The following PLD5 variants were observed in gnomAD, a reference collection of about 807,000 sequenced individuals.
PLD5 encodes inactive phospholipase D5.
In PLD5, 36 loss-of-function variants were observed where a neutral mutation model predicts 61.1. That is an observed-to-expected ratio of 0.59 (90% CI 0.45 to 0.78). The LOEUF (loss-of-function observed/expected upper bound fraction) is 0.78. Among genes scored for constraint, PLD5 ranks in the 30% least tolerant of loss-of-function variants. PLD5 has a pLI of 0.00. For missense variants in PLD5, 515 were observed against 644.4 expected, an observed-to-expected ratio of 0.80 and a Z score of 2.17; for synonymous variants, 243 against 242.8, an observed-to-expected ratio of 1.00 and a Z score of -0.01.
chr1:242,475,314 T>C (rs1411518968), intron 1 of PLD5, among the ~76,000 whole-genome samples: 1 of 150,934 alleles, frequency 6.6e-6, no homozygotes, highest in Admixed American at 6.6e-5. Context: ...TCCCAGCTAC[T>C]CGGGAGGCTG....
chr1:242,384,499 T>C (rs1230045759), intron 1 of PLD5, among the ~76,000 whole-genome samples: 2 of 152,230 alleles, frequency 1.3e-5, no homozygotes, highest in East Asian at 1.9e-4. Flanking sequence ...CATTAAAGAA[T>C]TGTATCCACT....
chr1:242,199,773 T>C (rs1442175287), intron 5 of PLD5, among the ~76,000 whole-genome samples: 1 of 152,228 alleles, frequency 6.6e-6, no homozygotes, highest in East Asian at 1.9e-4. Flanking sequence ...GGTGTTTGTC[T>C]ATCTGTGTCT....
chr1:242,334,781 TC>T (rs930102533), intron 2 of PLD5, among the ~76,000 whole-genome samples: 1 of 152,130 alleles, frequency 6.6e-6, no homozygotes, highest in Non-Finnish European at 1.5e-5. Flanking sequence ...GAATCCTTTT[TC>T]CCAGGGGACT....
At chr1:242,446,518 C>T (rs1239175252) in intron 1 of PLD5, among the ~76,000 whole-genome samples, 2 of 152,164 alleles carry the variant, frequency 1.3e-5, no homozygotes, top group African/African-American at 2.4e-5. Flanking sequence ...TTGCAGTGAG[C>T]TGAGATCGCG....
At chr1:242,247,476 G>A (rs1418140855) in intron 4 of PLD5, among the ~76,000 whole-genome samples, 2 of 152,180 alleles carry the variant, frequency 1.3e-5, no homozygotes, top group Non-Finnish European at 2.9e-5. Context: ...GGTTCACAGG[G>A]TGTGACTTAA....
chr1:242,311,252 A>T (rs1347983521), intron 2 of PLD5, among the ~76,000 whole-genome samples: 1 of 152,226 alleles, frequency 6.6e-6, no homozygotes, highest in East Asian at 1.9e-4. Flanking sequence ...ATTGCAGATA[A>T]TGGGTTGTGG....
At chr1:242,189,102 CAT>C (rs1280904766) in intron 5 of PLD5, among the ~76,000 whole-genome samples, 2 of 152,174 alleles carry the variant, frequency 1.3e-5, no homozygotes, top group South Asian at 2.1e-4. Flanking sequence ...ACTGGTTTGA[CAT>C]AGTCTGTGGT....
At chr1:242,205,582 T>A (rs1669269878) in intron 5 of PLD5, among the ~76,000 whole-genome samples, 1 of 152,216 alleles carries the variant, frequency 6.6e-6, no homozygotes, top group Non-Finnish European at 1.5e-5. Context: ...TTTCCCTCAT[T>A]TCATGTTTCC....
intron 5 of PLD5, among the ~76,000 whole-genome samples, chr1:242,201,361 C>T (rs1668977284): frequency 1.3e-5 from 2 of 152,054 alleles, no homozygotes; most frequent in African/African-American, 4.8e-5. Context: ...ACATACATTC[C>T]AATTTTTTCC....
At chr1:242,408,394 A>G (rs1389776362) in intron 1 of PLD5, among the ~76,000 whole-genome samples, 1 of 152,138 alleles carries the variant, frequency 6.6e-6, no homozygotes, top group Non-Finnish European at 1.5e-5. Context: ...GTGATTCCTG[A>G]TGGTGGAAGT....
At chr1:242,136,189 G>C (rs1205600794) in intron 5 of PLD5, among the ~76,000 whole-genome samples, 1 of 152,126 alleles carries the variant, frequency 6.6e-6, no homozygotes, top group Non-Finnish European at 1.5e-5. Flanking sequence ...TTCCATTCTG[G>C]CTTCATGAGT....
chr1:242,493,280 A>G, intron 1 of PLD5, among the ~76,000 whole-genome samples: 1 of 152,250 alleles, frequency 6.6e-6, no homozygotes, highest in African/African-American at 2.4e-5. Context: ...CTTGACTATT[A>G]AAAAGAAAAA....
intron 1 of PLD5, among the ~76,000 whole-genome samples, chr1:242,508,412 G>C (rs1436472331): frequency 6.6e-6 from 1 of 152,034 alleles, no homozygotes; most frequent in Non-Finnish European, 1.5e-5. Flanking sequence ...AGATGGAAAT[G>C]ACCAACTATA....
chr1:242,220,473 C>T (rs1329372180), intron 4 of PLD5, among the ~76,000 whole-genome samples: 1 of 152,046 alleles, frequency 6.6e-6, no homozygotes, highest in East Asian at 1.9e-4. Flanking sequence ...GATAGGTACA[C>T]CATATGCAGT....
chr1:242,515,411 C>T (rs1669073746), intron 1 of PLD5, among the ~76,000 whole-genome samples: 1 of 152,154 alleles, frequency 6.6e-6, no homozygotes, highest in Non-Finnish European at 1.5e-5. Flanking sequence ...TGAGGTTTCA[C>T]CATGTTGGTC....
chr1:242,400,188 GAA>G (rs113690368), intron 1 of PLD5, among the ~76,000 whole-genome samples: 18 of 137,418 alleles, frequency 1.3e-4, no homozygotes, highest in East Asian at 6.6e-4. Flanking sequence ...CAAAAGAAAA[GAA>G]AAAAAAAAAA....
intron 1 of PLD5, among the ~76,000 whole-genome samples, chr1:242,411,330 G>A (rs1292800614): frequency 6.6e-6 from 1 of 152,154 alleles, no homozygotes; most frequent in Non-Finnish European, 1.5e-5. Flanking sequence ...CCGCCTCCCG[G>A]GTTCACGCCA....
rs568372116 is a variant in PLD5 at position 242,120,265 on chromosome 1, G to A, written c.933+4203C>T. ...ATTGTAGAAATGGTTGCAAAACTGC[G>A]ACTATACTCAACCCCACTAAATTGT... On this transcript the variant is annotated intron_variant, in intron 6 of 9. Transcript: ENST00000536534. 9.9e-5 allele frequency among the ~76,000 whole-genome samples: 15 copies of A among 152,142 alleles called. No homozygotes were observed. In the South Asian group the frequency reaches 1.5e-3, roughly 15 times the overall value.
At chr1:242,225,051 A>G (rs902072606) in intron 4 of PLD5, among the ~76,000 whole-genome samples, 16 of 152,194 alleles carry the variant, frequency 1.1e-4, no homozygotes, top group African/African-American at 3.9e-4. Flanking sequence ...AGAATGTCAT[A>G]CAAATTGAGT....
Sources: gnomAD v4.1 joint callset for allele counts (sites outside exome capture counted in the v4.1 genomes callset) on GRCh38, gnomAD v4.1.1 for gene constraint, MANE v1.5 for transcripts, NCBI Gene and HGNC (gene_info 2026-07-23, HGNC 2026-07-21) for gene names.